The following MAGI1 variants were observed in gnomAD, a reference collection of about 807,000 sequenced individuals.
The protein encoded by MAGI1 is membrane-associated guanylate kinase, WW and PDZ domain-containing protein 1.
A neutral mutation model predicts 139.9 loss-of-function variants in MAGI1; 58 were observed. The observed-to-expected ratio is 0.41, with a 90% CI of 0.34 to 0.52. The LOEUF (loss-of-function observed/expected upper bound fraction) is 0.52. Ranked by LOEUF, MAGI1 falls within the 20% of genes least tolerant of loss-of-function variation. The probability of loss-of-function intolerance (pLI) is 0.12; values close to 1 mark genes in which losing one functional copy is unlikely to be tolerated. For missense variants in MAGI1, 1,874 were observed against 1,901.6 expected (o/e 0.99, Z 0.27); for synonymous variants, 812 against 737.9 (o/e 1.10, Z -1.63).
chr3:65,815,538 T>C (rs1217247178), intron 1 of MAGI1, among the ~76,000 whole-genome samples: 7 of 152,094 alleles, frequency 4.6e-5, no homozygotes, highest in Admixed American at 4.6e-4. Flanking sequence ...AGAAAATATT[T>C]AAAAGTTCCC....
chr3:65,644,772 T>C (rs1576583433), intron 1 of MAGI1, among the ~76,000 whole-genome samples: 1 of 152,026 alleles, frequency 6.6e-6, no homozygotes, highest in East Asian at 1.9e-4. Flanking sequence ...CTGAGGCAGA[T>C]GGATCACTGA....
chr3:65,670,821 T>C (rs969522416), intron 1 of MAGI1, among the ~76,000 whole-genome samples: 4 of 152,004 alleles, frequency 2.6e-5, no homozygotes, highest in African/African-American at 4.8e-5. Context: ...AACAGAAAAA[T>C]AGCCAAGGTA....
At chr3:65,597,171 T>C (rs570622276) in intron 2 of MAGI1, among the ~76,000 whole-genome samples, 44 of 151,444 alleles carry the variant, frequency 2.9e-4, no homozygotes, top group African/African-American at 9.2e-4. Flanking sequence ...TACTGATTTT[T>C]CCCCCCTCCC....
chr3:65,736,069 C>T (rs73832940), intron 1 of MAGI1, among the ~76,000 whole-genome samples: 5,655 of 152,266 alleles, frequency 0.037, 177 homozygotes, highest in African/African-American at 0.09. Context: ...ATCTCCCAGA[C>T]GCAGAATTTT....
At chr3:65,584,771 A>G (rs891232318) in intron 2 of MAGI1, among the ~76,000 whole-genome samples, 1 of 152,186 alleles carries the variant, frequency 6.6e-6, no homozygotes, top group Admixed American at 6.5e-5. Flanking sequence ...TCGCAAAACT[A>G]TATTTGTGAT....
At chr3:65,542,495 C>A (rs1474408050) in intron 2 of MAGI1, among the ~76,000 whole-genome samples, 4 of 152,172 alleles carry the variant, frequency 2.6e-5, no homozygotes, top group Non-Finnish European at 5.9e-5. Flanking sequence ...CACTACCTGA[C>A]TTCAAACTAT....
chr3:65,874,652 C>G (rs1446658204), intron 1 of MAGI1: 1 of 152,210 alleles, frequency 6.6e-6, no homozygotes, highest in Admixed American at 6.5e-5. Flanking sequence ...CCTTCATACA[C>G]TGCTGGTGTG....
chr3:65,960,855 A>C (rs1394268962), intron 1 of MAGI1, among the ~76,000 whole-genome samples: 1 of 152,210 alleles, frequency 6.6e-6, no homozygotes, highest in African/African-American at 2.4e-5. Flanking sequence ...AAATTCTGAG[A>C]AAAGAGTTGA....
At chr3:66,016,506 T>C (rs187876517) in intron 1 of MAGI1, among the ~76,000 whole-genome samples, 1 of 152,256 alleles carries the variant, frequency 6.6e-6, no homozygotes, top group Non-Finnish European at 1.5e-5. Context: ...CACACACCCT[T>C]TGCAAAGAAG....
chr3:65,410,754 C>G (rs967351158), intron 12 of MAGI1, among the ~76,000 whole-genome samples: 6 of 151,556 alleles, frequency 4.0e-5, no homozygotes. Context: ...GTCTCAGTAC[C>G]TAAATCACTG....
In MAGI1 at chr3:65,877,341, G is replaced by A. The variant is rs765038955; in HGVS notation, c.313+160655C>T. Among the ~76,000 whole-genome samples, 6 of 152,180 alleles carry A rather than the reference G, an allele frequency of 3.9e-5. No homozygotes were observed. The East Asian group carries it at 7.7e-4, about 20-fold the overall frequency. The stretch of plus-strand genomic sequence containing the variant: ...TTACCAACAAACACGAAACTGGGAT[G>A]AGTAACATCTCAGGGCATGGACTTA... On this transcript the variant is annotated intron_variant, in intron 1 of 22. Transcript: ENST00000402939.
chr3:65,650,001 A>C (rs1469679366), intron 1 of MAGI1, among the ~76,000 whole-genome samples: 7 of 152,216 alleles, frequency 4.6e-5, no homozygotes, highest in Non-Finnish European at 8.8e-5. Context: ...GTTTAAGTGT[A>C]TCTTGCCAAA....
intron 2 of MAGI1, among the ~76,000 whole-genome samples, chr3:65,573,449 A>G (rs1189207266): frequency 1.3e-5 from 2 of 152,102 alleles, no homozygotes; most frequent in Non-Finnish European, 2.9e-5. Context: ...AATAAATTAT[A>G]TATCACACTA....
chr3:65,891,167 A>G (rs544053963), intron 1 of MAGI1, among the ~76,000 whole-genome samples: 1 of 150,708 alleles, frequency 6.6e-6, no homozygotes, highest in East Asian at 1.9e-4. Context: ...GCGCCATTAC[A>G]CTTCAGCCTG....
At chr3:65,680,076 T>C (rs995779650) in intron 1 of MAGI1, among the ~76,000 whole-genome samples, 4 of 152,198 alleles carry the variant, frequency 2.6e-5, no homozygotes, top group Non-Finnish European at 1.5e-5. Context: ...CTTCTAAGTA[T>C]GGGGACAAGA....
At chr3:65,892,456 A>G (rs1361298571) in intron 1 of MAGI1, among the ~76,000 whole-genome samples, 1 of 152,230 alleles carries the variant, frequency 6.6e-6, no homozygotes, top group Non-Finnish European at 1.5e-5. Context: ...TAAGTGGCAT[A>G]CCAACATTTT....
At chr3:65,805,239 C>T (rs759402369) in intron 1 of MAGI1, among the ~76,000 whole-genome samples, 3 of 151,974 alleles carry the variant, frequency 2.0e-5, no homozygotes, top group Non-Finnish European at 4.4e-5. Context: ...AACAAATTTA[C>T]AAGAAAAAAC....
chr3:65,953,578 A>C (rs1409995596), intron 1 of MAGI1, among the ~76,000 whole-genome samples: 1 of 152,162 alleles, frequency 6.6e-6, no homozygotes, highest in Non-Finnish European at 1.5e-5. Flanking sequence ...AGAGCTCCAC[A>C]GGGAGGTTTC....
chr3:65,976,068 T>C (rs1204470054), intron 1 of MAGI1, among the ~76,000 whole-genome samples: 1 of 152,188 alleles, frequency 6.6e-6, no homozygotes, highest in Non-Finnish European at 1.5e-5. Flanking sequence ...TGCAAGTGTT[T>C]CATCCCAGTT....
Sources: allele counts gnomAD v4.1 joint callset (sites outside exome capture counted in the v4.1 genomes callset), GRCh38; gene constraint gnomAD v4.1.1; transcripts MANE v1.5; gene names NCBI Gene and HGNC (gene_info 2026-07-23, HGNC 2026-07-21).